PDCD10: variants seen among roughly 807,000 people sequenced by gnomAD.
PDCD10 encodes the protein programmed cell death protein 10.
In PDCD10, 4 loss-of-function variants were observed where a neutral mutation model predicts 29.2. The observed-to-expected ratio is 0.14, with a 90% CI of 0.07 to 0.31. PDCD10 has a LOEUF of 0.31. PDCD10 is among the 10% of genes least tolerant of loss of function. The pLI, the probability that PDCD10 is intolerant of heterozygous loss-of-function variation, is 1.00. For missense variants in PDCD10, 183 were observed against 257.9 expected, an observed-to-expected ratio of 0.71 and a Z score of 1.99; for synonymous variants, 70 against 82.2, an observed-to-expected ratio of 0.85 and a Z score of 0.80.
chr3:167,712,699 T>A (rs1228768152), intron 3 of PDCD10, among the ~76,000 whole-genome samples: 2 of 151,902 alleles, frequency 1.3e-5, no homozygotes, highest in Admixed American at 1.3e-4. Context: ...AAGAACAACC[T>A]GTTGCCTACG....
At chr3:167,716,376 C>G (rs960938908) in intron 3 of PDCD10, among the ~76,000 whole-genome samples, 1 of 151,790 alleles carries the variant, frequency 6.6e-6, no homozygotes, top group African/African-American at 2.4e-5. Context: ...ATAGTCAACA[C>G]TAAATTATAC....
At chr3:167,714,339 T>C (rs1722802909) in intron 3 of PDCD10, among the ~76,000 whole-genome samples, 1 of 151,898 alleles carries the variant, frequency 6.6e-6, no homozygotes, top group Admixed American at 6.6e-5. Flanking sequence ...TTCAACATCC[T>C]TCATGATAAA....
rs752757510 is a variant in PDCD10 at position 167,720,041 on chromosome 3, G to C, written c.96+21C>G. On this transcript the variant is annotated intron_variant, in intron 3 of 8. Coordinates refer to ENST00000392750, the MANE Select transcript of PDCD10 (RefSeq NM_007217.4). ...TTAAAGAATTGCAGAGTTCATGCAAGAACATGTTTACCCAACTCACCTCAT... is the reference window on the plus strand; with the variant it reads ...TTAAAGAATTGCAGAGTTCATGCAACAACATGTTTACCCAACTCACCTCAT... 8.6e-6 allele frequency: 12 copies of C among 1,400,976 alleles called. 2 individuals are homozygous for C. In the South Asian group the frequency reaches 1.4e-4, roughly 16 times the overall value. The allele number at this position is 1,400,976 out of a possible 1,614,324, so 86.8% of individuals were successfully genotyped here.
At chr3:167,730,621 T>G (rs188647189) in intron 2 of PDCD10, 20 of 152,276 alleles carry the variant, frequency 1.3e-4, no homozygotes, top group African/African-American at 4.6e-4. Context: ...GACAAGATCT[T>G]GTGGAAGAGT....
chr3:167,704,726 C>G, intron 4 of PDCD10, 116 bp downstream of exon 4: 1 of 727,454 alleles, frequency 1.4e-6, no homozygotes. Context: ...GTAAAACAGG[C>G]ATAAGATGGC....
intron 6 of PDCD10, 76 bp from the exon 7 acceptor site, chr3:167,687,769 G>A (rs1019961358): frequency 2.5e-6 from 2 of 793,192 alleles, no homozygotes; most frequent in Admixed American, 3.7e-5. Flanking sequence ...AGCTACATTT[G>A]AAAGAAATTA....
chr3:167,730,963 A>G (rs576696486), intron 2 of PDCD10: 3 of 152,302 alleles, frequency 2.0e-5, no homozygotes, highest in South Asian at 4.1e-4. Context: ...ATAGGAAGAT[A>G]GCAAGGTTAA....
intron 3 of PDCD10, among the ~76,000 whole-genome samples, chr3:167,719,560 C>T (rs1723362997): frequency 6.6e-6 from 1 of 152,046 alleles, no homozygotes; most frequent in African/African-American, 2.4e-5. Context: ...TGATATCTTC[C>T]AAATATCGGT....
chr3:167,730,519 A>T (rs988983492), intron 2 of PDCD10, among the ~76,000 whole-genome samples: 3 of 144,914 alleles, frequency 2.1e-5, no homozygotes, highest in African/African-American at 7.4e-5. Flanking sequence ...CTTTTTAAAA[A>T]GTAAGTTTAG....
chr3:167,694,559 G>T (rs1157197789), intron 6 of PDCD10: 2 of 154,296 alleles, frequency 1.3e-5, no homozygotes, highest in African/African-American at 4.8e-5. Context: ...GAAAGAGCAG[G>T]TTTAGCTGAC....
chr3:167,687,139 T>A (rs751660087), intron 8 of PDCD10, 95 bp downstream of exon 8: 23 of 681,058 alleles, frequency 3.4e-5, no homozygotes, highest in Non-Finnish European at 5.4e-5. Flanking sequence ...GTACTAATAA[T>A]AAAATAAAAG....
intron 4 of PDCD10, among the ~76,000 whole-genome samples, chr3:167,702,959 C>T (rs1172303552): frequency 2.0e-5 from 3 of 152,138 alleles, no homozygotes; most frequent in Non-Finnish European, 2.9e-5. Context: ...ACATCTATCA[C>T]GGTCACATAA....
chr3:167,731,652 G>C (rs980509178), intron 2 of PDCD10, among the ~76,000 whole-genome samples: 7 of 152,162 alleles, frequency 4.6e-5, no homozygotes, highest in African/African-American at 9.7e-5. Context: ...CAGGTACTGC[G>C]TAAGTAGTGG....
intron 2 of PDCD10, among the ~76,000 whole-genome samples, chr3:167,726,608 T>C (rs1724208761): frequency 6.6e-6 from 1 of 152,218 alleles, no homozygotes; most frequent in Admixed American, 6.5e-5. Flanking sequence ...AAGTACTCAC[T>C]TCCCCAGATT....
At chr3:167,731,793 G>A in intron 2 of PDCD10, among the ~76,000 whole-genome samples, 1 of 152,184 alleles carries the variant, frequency 6.6e-6, no homozygotes, top group African/African-American at 2.4e-5. Flanking sequence ...TACAGAGTAT[G>A]GTGAATACAT....
chr3:167,707,153 T>A lies in PDCD10; in HGVS notation c.97-2258A>T, dbSNP rs556016897. Among the ~76,000 whole-genome samples, 6 of 152,320 alleles carry A rather than the reference T, an allele frequency of 3.9e-5. No homozygotes were observed. In the East Asian group the frequency reaches 1.2e-3, roughly 29 times the overall value. On this transcript the variant is annotated intron_variant, in intron 3 of 8. Coordinates refer to ENST00000392750, the MANE Select transcript of PDCD10 (RefSeq NM_007217.4). The stretch of plus-strand genomic sequence containing the variant: ...CATCAGTTGAAGCAGAAAGAAGTCT[T>A]TATAAACATGGGATTTGAACTGATC...
intron 3 of PDCD10, among the ~76,000 whole-genome samples, chr3:167,707,784 A>G (rs1463521419): frequency 6.6e-6 from 1 of 152,212 alleles, no homozygotes; most frequent in Non-Finnish European, 1.5e-5. Context: ...CCCCTGAAGG[A>G]GGAAATTGTG....
rs902284227 is a variant in PDCD10 at position 167,683,458 on chromosome 3, T to G, written c.*850A>C. On this transcript the variant is annotated 3_prime_UTR_variant, in exon 9 of 9. Transcript: ENST00000392750. ...CTCATGACAATTTCAATCCAACCGT[T>G]GATATAGCTTCAAATTACTATTAAT... 1.3e-5 allele frequency: 2 copies of G among 152,014 alleles called. No individual in the cohort carries two copies. The highest frequency in any genetic ancestry group is 6.6e-5 in the Admixed American group (1 of 15,264). 9.4% of individuals were successfully genotyped at this position (152,014 alleles called of 1,614,324 possible).
chr3:167,705,921 T>C (rs1308022906), intron 3 of PDCD10, among the ~76,000 whole-genome samples: 1 of 152,224 alleles, frequency 6.6e-6, no homozygotes, highest in Non-Finnish European at 1.5e-5. Flanking sequence ...TCTCAAGTTC[T>C]TGTTATTCAA....
Sources: gnomAD v4.1 joint callset for allele counts (sites outside exome capture counted in the v4.1 genomes callset) on GRCh38, gnomAD v4.1.1 for gene constraint, MANE v1.5 for transcripts, NCBI Gene and HGNC (gene_info 2026-07-23, HGNC 2026-07-21) for gene names.